Variants in PKD1L1 observed in about 807,000 individuals in gnomAD.
The protein encoded by PKD1L1 is polycystin 1 like 1, transient receptor potential channel interacting.
Under a neutral mutation model 323.4 loss-of-function variants are expected in PKD1L1, and 236 were observed. The ratio of observed to expected loss-of-function variants is 0.73; its 90% confidence interval spans 0.66 to 0.81. The LOEUF (loss-of-function observed/expected upper bound fraction) is 0.81. PKD1L1 is among the 40% of genes least tolerant of loss of function. The pLI is 0.00. For missense variants in PKD1L1, 3,320 were observed against 3,508.0 expected (o/e 0.95, Z 1.35); for synonymous variants, 1,344 against 1,335.0 (o/e 1.01, Z -0.15).
rs114103240 is a variant in PKD1L1, at chr7:47,863,487, C to T, written c.4149+1729G>A. Among the ~76,000 whole-genome samples the T allele has an allele frequency of 2.4e-3, 369 of 151,984 alleles. 4 individuals are homozygous for T. The highest frequency in any genetic ancestry group is 8.2e-3 in the African/African-American group (338 of 41,434). On this transcript the variant is annotated intron_variant, in intron 26 of 56. Transcript: ENST00000289672. ...AGACAAAGCTCTGAGATACTGACCA[C>T]GTAACTGTAGATGGGAAGAGCCAAC...
At chr7:47,798,627 C>T (rs375124787) in intron 54 of PKD1L1, among the ~76,000 whole-genome samples, 29 of 151,856 alleles carry the variant, frequency 1.9e-4, no homozygotes, top group Admixed American at 3.3e-4. Context: ...TGGTGGCACA[C>T]GCCTGTAATC....
intron 1 of PKD1L1, among the ~76,000 whole-genome samples, chr7:47,944,259 T>A (rs569058609): frequency 4.1e-4 from 63 of 152,152 alleles, no homozygotes; most frequent in South Asian, 3.7e-3. Context: ...AAGTGTGTGG[T>A]ATCTCCTCCC....
chr7:47,805,086 TACACACACACACACAC>T (rs59085691), intron 52 of PKD1L1, among the ~76,000 whole-genome samples: 2 of 150,070 alleles, frequency 1.3e-5, no homozygotes, highest in East Asian at 2.0e-4. Context: ...CCTGTACAAA[TACACACACACACACAC>T]ACACACACAC....
chr7:47,822,609 A>C (rs1044799773), intron 45 of PKD1L1, among the ~76,000 whole-genome samples: 13 of 151,150 alleles, frequency 8.6e-5, no homozygotes, highest in East Asian at 1.9e-4. Flanking sequence ...AAAAAAAAAA[A>C]AAAAAAAAAA....
At chr7:47,890,192 T>C (rs1786779498) in intron 16 of PKD1L1, among the ~76,000 whole-genome samples, 1 of 152,218 alleles carries the variant, frequency 6.6e-6, no homozygotes, top group African/African-American at 2.4e-5. Flanking sequence ...GCTGGGAACT[T>C]GATGGCTTTG....
At chr7:47,903,189 G>A (rs113308218) in intron 12 of PKD1L1, among the ~76,000 whole-genome samples, 3 of 152,202 alleles carry the variant, frequency 2.0e-5, no homozygotes, top group Non-Finnish European at 4.4e-5. Context: ...ATTTGAAAGA[G>A]AAAAATATTC....
At chr7:47,795,658 C>G (rs1309415445) in intron 55 of PKD1L1, among the ~76,000 whole-genome samples, 1 of 152,100 alleles carries the variant, frequency 6.6e-6, no homozygotes, top group Non-Finnish European at 1.5e-5. Flanking sequence ...ATAGCAGGCA[C>G]CAAAAGCAAA....
At chr7:47,822,594 CAAAAAAAAAAAAA>C (rs745820560) in intron 45 of PKD1L1, among the ~76,000 whole-genome samples, 1 of 71,402 alleles carries the variant, frequency 1.4e-5, no homozygotes. Context: ...GACTCCGTCT[CAAAAAAAAAAAAA>C]AAAAAAAAAA....
chr7:47,792,903 C>T (rs1282014704), intron 55 of PKD1L1, 106 bp from the exon 56 acceptor site: 18 of 1,090,910 alleles, frequency 1.7e-5, no homozygotes, highest in East Asian at 1.0e-4. Context: ...CAGTATTGGG[C>T]TATGTTAGGA....
At chr7:47,776,661 A>G (rs1378001077) in intron 56 of PKD1L1, among the ~76,000 whole-genome samples, 2 of 152,252 alleles carry the variant, frequency 1.3e-5, no homozygotes, top group Non-Finnish European at 2.9e-5. Context: ...TAGGTTGAAC[A>G]TAAGTGTTAC....
chr7:47,955,676 A>G, the PKD1L1 span, among the ~76,000 whole-genome samples: 12 of 152,246 alleles, frequency 7.9e-5, no homozygotes, highest in Non-Finnish European at 1.2e-4. Context: ...TTTTTCCAGT[A>G]TAACAGTTCT....
rs750928190 is a variant in PKD1L1 at position 47,813,214 on chromosome 7, T to C, written c.7253A>G (p.Tyr2418Cys). 1.2e-6 allele frequency: 2 copies of C among 1,614,126 alleles called. No individual in the cohort carries two copies. Among genetic ancestry groups the C allele is most frequent in the South Asian group, 1.1e-5 (1 of 91,070 alleles). The change falls in exon 49 of 57, where the codon TAC (tyrosine) becomes TGC (cysteine). Residue 2418 changes from tyrosine to cysteine, a missense_variant. By Grantham distance (194) the Tyr-to-Cys change is radical. Coordinates refer to ENST00000289672, the MANE Select transcript of PKD1L1 (RefSeq NM_138295.5). ...GTTTTGGTTCTCTGGGTCTATCAGG[T>C]AGGGGTTCTCAGGGCCTCCAACTTC... ...SPEVGGPENP[Y>C]LIDPENQNVT...
chr7:47,878,112 G>A (rs191544913), intron 21 of PKD1L1, among the ~76,000 whole-genome samples: 16 of 152,112 alleles, frequency 1.1e-4, no homozygotes, highest in Admixed American at 7.2e-4. Context: ...ACATACACAC[G>A]TACGTACAGC....
At chr7:47,834,631 T>C (rs902832480) in intron 39 of PKD1L1, among the ~76,000 whole-genome samples, 4 of 152,116 alleles carry the variant, frequency 2.6e-5, no homozygotes, top group South Asian at 4.1e-4. Flanking sequence ...ACATGGCAGC[T>C]TGAGAAAAAT....
chr7:47,882,225 C>A, intron 19 of PKD1L1, 140 bp from the exon 20 acceptor site: 1 of 915,896 alleles, frequency 1.1e-6, no homozygotes, highest in East Asian at 2.7e-5. Flanking sequence ...TCTTCAGCAG[C>A]CAAACATATT....
At chr7:47,827,290 A>C (rs1352711979) in intron 45 of PKD1L1, 60 bp downstream of exon 45, 1 of 1,356,242 alleles carries the variant, frequency 7.4e-7, no homozygotes, top group Non-Finnish European at 1.0e-6. Context: ...GCAGTGGGGT[A>C]CTCCCTCCGA....
intron 56 of PKD1L1, among the ~76,000 whole-genome samples, chr7:47,780,233 T>C (rs933226932): frequency 1.6e-4 from 25 of 152,186 alleles, no homozygotes; most frequent in African/African-American, 5.8e-4. Flanking sequence ...TGCTGTCCTT[T>C]TATAGATGCA....
intron 30 of PKD1L1, among the ~76,000 whole-genome samples, chr7:47,853,885 G>A (rs1785840075): frequency 6.6e-6 from 1 of 152,098 alleles, no homozygotes; most frequent in African/African-American, 2.4e-5. Context: ...CGTGGTTAGG[G>A]AGGGGCACTG....
rs1228887500 is a variant in PKD1L1, at chr7:47,811,973, G to A, written c.7425C>T (p.His2475=). Residue 2475 remains histidine (H), a synonymous_variant, in exon 50 of 57, where the codon CAC becomes CAT. Coordinates refer to ENST00000289672, the MANE Select transcript of PKD1L1 (RefSeq NM_138295.5). ...GGGTTGGAGGGTTATAGAGAGTGAA[G>A]TGCACAGACACAGCCCTGGTGCTGC... The part of the protein sequence containing the change: ...IDRSTRAVSV[H]FTLYNPPTQL... 1 of 1,599,436 alleles carries A rather than the reference G, an allele frequency of 6.3e-7. No individual in the cohort carries two copies. The highest frequency in any genetic ancestry group is 8.5e-7 in the Non-Finnish European group (1 of 1,173,038).
Sources: allele counts gnomAD v4.1 joint callset (sites outside exome capture counted in the v4.1 genomes callset), GRCh38; gene constraint gnomAD v4.1.1; transcripts MANE v1.5; gene names NCBI Gene and HGNC (gene_info 2026-07-23, HGNC 2026-07-21).